The following ANK2 variants were observed in gnomAD, a reference collection of about 807,000 sequenced individuals.
ANK2 encodes ankyrin 2, also known as ankyrin-2.
ANK2 carries 83 observed loss-of-function variants against 360.5 expected under a neutral mutation model. The ratio of observed to expected loss-of-function variants is 0.23; its 90% CI spans 0.19 to 0.28. The LOEUF (loss-of-function observed/expected upper bound fraction) is 0.28. ANK2 is among the 10% of genes least tolerant of loss of function. The pLI, the probability that ANK2 is intolerant of heterozygous loss-of-function variation, is 1.00. For synonymous variants in ANK2, 1,740 were observed against 1,759.5 expected, an observed-to-expected ratio of 0.99 and a Z score of 0.28; for missense variants, 4,201 against 4,795.7, an observed-to-expected ratio of 0.88 and a Z score of 3.66.
At chr4:112,815,672 G>C (rs183002673), upstream of ANK2, among the ~76,000 whole-genome samples, 488 of 152,248 alleles carry the variant, frequency 3.2e-3, 3 homozygotes, top group Admixed American at 6.9e-3. Context: ...GGGGAGGGGG[G>C]CTGAAAATTG....
the ANK2 span, among the ~76,000 whole-genome samples, chr4:112,735,357 A>T: frequency 6.6e-6 from 1 of 152,044 alleles, no homozygotes; most frequent in African/African-American, 2.4e-5. Context: ...AAATAAAATA[A>T]AATATAAAAT....
In ANK2 at chr4:113,321,942, G is replaced by A. The variant is rs545472962; in HGVS notation, c.2900+3322G>A. 2.6e-5 allele frequency among the ~76,000 whole-genome samples: 4 copies of A among 152,228 alleles called. No homozygotes were observed. In the South Asian group the frequency reaches 8.3e-4, roughly 32 times the overall value. On this transcript the variant is annotated intron_variant, in intron 26 of 45. Transcript: ENST00000357077. ...AGAGACAGGGTTCGCCAGTTAGCCA[G>A]GCTGGTCTGGAATACCTGACCTCAG...
intron 1 of ANK2, among the ~76,000 whole-genome samples, chr4:113,115,879 A>G (rs1163193982): frequency 6.6e-6 from 1 of 152,176 alleles, no homozygotes; most frequent in East Asian, 1.9e-4. Context: ...ACTATCAATG[A>G]TTATAATAGT....
intron 23 of ANK2, among the ~76,000 whole-genome samples, chr4:113,305,115 C>T (rs1240485255): frequency 1.3e-5 from 2 of 151,306 alleles, no homozygotes; most frequent in African/African-American, 2.4e-5. Context: ...CCGAGGCGGG[C>T]GGATCACGAG....
chr4:113,199,147 A>G (rs776891395), intron 4 of ANK2, 38 bp downstream of exon 4: 1 of 1,479,746 alleles, frequency 6.8e-7, no homozygotes, highest in African/African-American at 1.4e-5. Context: ...ACATACATTT[A>G]AATTAGAACA....
intron 1 of ANK2, among the ~76,000 whole-genome samples, chr4:112,844,297 A>C (rs2062804922): frequency 6.6e-6 from 1 of 152,220 alleles, no homozygotes; most frequent in Non-Finnish European, 1.5e-5. Flanking sequence ...GTGGCAATGC[A>C]ATCTTTGCCA....
At chr4:113,193,343 T>A (rs2098700478) in intron 2 of ANK2, among the ~76,000 whole-genome samples, 2 of 152,198 alleles carry the variant, frequency 1.3e-5, no homozygotes, top group Admixed American at 6.5e-5. Flanking sequence ...CAGTTAAATG[T>A]GTCTGACAAA....
intron 13 of ANK2, among the ~76,000 whole-genome samples, chr4:113,262,251 G>A (rs1046794095): frequency 4.6e-5 from 7 of 151,982 alleles, no homozygotes; most frequent in African/African-American, 1.2e-4. Context: ...TCTGAGACAC[G>A]ACCTTGCCCT....
At chr4:113,279,109 T>C (rs531933503) in intron 17 of ANK2, among the ~76,000 whole-genome samples, 1 of 152,238 alleles carries the variant, frequency 6.6e-6, no homozygotes, top group South Asian at 2.1e-4. Flanking sequence ...AGACTTGTAC[T>C]TACGGACAGG....
chr4:112,997,277 T>G (rs528422112), intron 2 of ANK2, among the ~76,000 whole-genome samples: 1 of 152,258 alleles, frequency 6.6e-6, no homozygotes, highest in South Asian at 2.1e-4. Flanking sequence ...TAAAACCTAT[T>G]CTCTTTAGCA....
intron 1 of ANK2, among the ~76,000 whole-genome samples, chr4:112,902,082 T>C (rs1485425401): frequency 6.6e-6 from 1 of 152,090 alleles, no homozygotes; most frequent in Non-Finnish European, 1.5e-5. Flanking sequence ...CTTAAATTGC[T>C]CTTGAGTTTC....
At position 112,958,079 on chromosome 4, in the gene ANK2, CG is replaced by C. The variant is rs1182670755; in HGVS notation, c.21+53567del. 6.6e-5 allele frequency among the ~76,000 whole-genome samples: 10 copies of C among 151,140 alleles called. No homozygotes were observed. The South Asian group carries it at 1.5e-3, about 22-fold the overall frequency. ...GCTCCTCACTTCCTAGATGGGATGG[CG>C]GCCGGGCAGAGACGCTCCTCACTTT... is the stretch of plus-strand genomic sequence containing the variant. On this transcript the variant is annotated intron_variant, in intron 2 of 30. Transcript: ENST00000503271.
At position 113,357,685 on chromosome 4, in the gene ANK2, A is replaced by G; in HGVS notation, c.9067A>G (p.Thr3023Ala). 6.2e-7 allele frequency: 1 copy of G among 1,614,156 alleles called. No individual in the cohort carries two copies. Among genetic ancestry groups the G allele is most frequent in the Non-Finnish European group, 8.5e-7 (1 of 1,179,986 alleles). Residue 3023 changes from threonine (T) to alanine (A), a missense_variant, in exon 38 of 46, where the codon ACA (threonine) becomes GCA (alanine). Coordinates refer to ENST00000357077, the MANE Select transcript of ANK2 (RefSeq NM_001148.6). ...TTTCGAGCCTACTATGTCCGCTACA[A>G]CAACAGTTGTTGGTGAACAAATAAG... ...SSFEPTMSAT[T>A]TVVGEQISKV...
intron 24 of ANK2, 101 bp from the exon 25 acceptor site, chr4:113,317,606 A>T: frequency 1.2e-6 from 1 of 867,348 alleles, no homozygotes; most frequent in Non-Finnish European, 1.9e-6. Flanking sequence ...GCTGTTAGCT[A>T]ATAGCACGCT....
chr4:113,319,817 G>C (rs1359530708), intron 26 of ANK2, among the ~76,000 whole-genome samples: 1 of 152,040 alleles, frequency 6.6e-6, no homozygotes, highest in African/African-American at 2.4e-5. Flanking sequence ...TTACTAAAAA[G>C]ATACAACATT....
At chr4:112,724,373 C>A in the ANK2 span, among the ~76,000 whole-genome samples, 1 of 152,042 alleles carries the variant, frequency 6.6e-6, no homozygotes, top group African/African-American at 2.4e-5. Flanking sequence ...CCAGAAAAAT[C>A]TTGAAAATGT....
the ANK2 span, among the ~76,000 whole-genome samples, chr4:112,784,270 G>T: frequency 6.7e-6 from 1 of 149,342 alleles, no homozygotes; most frequent in Admixed American, 6.7e-5. Flanking sequence ...CCACAGCCTC[G>T]ATCTCCCAGC....
intron 1 of ANK2, chr4:112,826,744 C>A: frequency 1.2e-6 from 1 of 867,534 alleles, no homozygotes; most frequent in South Asian, 1.6e-5. Flanking sequence ...CAGTTTCTTC[C>A]ATCTTCTGTT....
intron 2 of ANK2, among the ~76,000 whole-genome samples, chr4:112,970,222 G>A (rs192054317): frequency 2.0e-5 from 3 of 151,734 alleles, no homozygotes; most frequent in Non-Finnish European, 2.9e-5. Flanking sequence ...TGCCTGCCTC[G>A]GCCTCCCAAT....
Sources: gnomAD v4.1 joint callset for allele counts (sites outside exome capture counted in the v4.1 genomes callset) on GRCh38, gnomAD v4.1.1 for gene constraint, MANE v1.5 for transcripts, NCBI Gene and HGNC (gene_info 2026-07-23, HGNC 2026-07-21) for gene names.